The following ERCC1 variants were observed in gnomAD, a reference collection of about 807,000 sequenced individuals.
ERCC1 encodes DNA excision repair protein ERCC-1.
A neutral mutation model predicts 37.6 loss-of-function variants in ERCC1; 36 were observed. That is an observed-to-expected ratio of 0.96 (90% CI 0.73 to 1.26). The LOEUF (loss-of-function observed/expected upper bound fraction) is 1.26, where lower values mean the gene tolerates loss of function less well. ERCC1 is among the 50% of genes most tolerant of loss of function. ERCC1 has a pLI of 0.00. For missense variants in ERCC1, 349 were observed against 376.5 expected (o/e 0.93, Z 0.60); for synonymous variants, 156 against 162.1 (o/e 0.96, Z 0.28).
chr19:45,432,283 T>TTTTTTATTA (rs113298304), intron 1 of ERCC1, among the ~76,000 whole-genome samples: 9 of 145,944 alleles, frequency 6.2e-5, no homozygotes, highest in African/African-American at 1.8e-4. Flanking sequence ...ACAAAATTAA[T>TTTTTTATTA]TTATTATTAT....
chr19:45,414,647 G>C, intron 7 of ERCC1: 1 of 523,800 alleles, frequency 1.9e-6, no homozygotes, highest in Non-Finnish European at 3.5e-6. Context: ...GCTTTCTCTC[G>C]GGGTACTGGG....
chr19:45,412,666 A>G (rs184632664), intron 9 of ERCC1, among the ~76,000 whole-genome samples: 42 of 150,662 alleles, frequency 2.8e-4, no homozygotes, highest in African/African-American at 9.7e-4. Context: ...TAGTTTGCAG[A>G]TATTTTCTCC....
intron 5 of ERCC1, 68 bp downstream of exon 5, chr19:45,419,030 G>T (rs931245177): frequency 9.7e-7 from 1 of 1,028,568 alleles, no homozygotes; most frequent in Non-Finnish European, 1.5e-6. Context: ...CCTCTTGGAA[G>T]GGATTCAACA....
chr19:45,411,765 G>A (rs936411285), intron 9 of ERCC1, among the ~76,000 whole-genome samples: 7 of 151,894 alleles, frequency 4.6e-5, no homozygotes, highest in Non-Finnish European at 8.8e-5. Flanking sequence ...TTGCACTCCA[G>A]CCTGGGCAAC....
At chr19:45,417,101 A>C (rs1286875358) in intron 5 of ERCC1, among the ~76,000 whole-genome samples, 1 of 152,096 alleles carries the variant, frequency 6.6e-6, no homozygotes, top group Non-Finnish European at 1.5e-5. Context: ...TGTCTCAAAA[A>C]AAAAAAGAAG....
In ERCC1 at chr19:45,413,645, C is replaced by T. The variant is rs116640350; in HGVS notation, c.843+32G>A. On this transcript the variant is annotated intron_variant, in intron 9 of 9. Transcript: ENST00000300853. ...TTTATTTGGGGCTCTCTCCTTCCCCCAACTCCTTGGGTTCTTTCCCAGAGC... is the reference window on the plus strand; with the variant it reads ...TTTATTTGGGGCTCTCTCCTTCCCCTAACTCCTTGGGTTCTTTCCCAGAGC... The T allele has an allele frequency of 1.4e-3, 2,254 of 1,614,236 alleles. 39 individuals are homozygous for T. The African/African-American group carries it at 0.025, about 18-fold the overall frequency.
chr19:45,423,095 C>G (rs1172641415), intron 2 of ERCC1, among the ~76,000 whole-genome samples, 175 bp downstream of exon 2: 1 of 152,152 alleles, frequency 6.6e-6, no homozygotes, highest in African/African-American at 2.4e-5. Flanking sequence ...TTAGAACCAC[C>G]CATCCATTTC....
intron 1 of ERCC1, among the ~76,000 whole-genome samples, chr19:45,446,451 C>T (rs1279553897): frequency 1.3e-5 from 2 of 152,178 alleles, no homozygotes; most frequent in Non-Finnish European, 2.9e-5. Context: ...CTCACCACAT[C>T]CCCATAAAAG....
At chr19:45,438,724 C>T (rs967204087) in intron 1 of ERCC1, among the ~76,000 whole-genome samples, 1 of 151,944 alleles carries the variant, frequency 6.6e-6, no homozygotes, top group Non-Finnish European at 1.5e-5. Flanking sequence ...TCAGCGTGAC[C>T]TCCGCCTCCC....
In ERCC1 at chr19:45,421,203, T is replaced by C. The variant is rs756180467; in HGVS notation, c.296A>G (p.Asn99Ser). 1 of 1,614,120 alleles carries C rather than the reference T, an allele frequency of 6.2e-7. No homozygotes were observed. Among genetic ancestry groups the C allele is most frequent in the South Asian group, 1.1e-5 (1 of 91,068 alleles). ...NQALKPGAKS[N>S]SIIVSPRQRG... Reference sequence around the variant, plus strand: ...CTGCCGAGGGCTCACAATGATGCTGTTGGATTTTGCCCCGGGTTTCAGGGC... The same window carrying C: ...CTGCCGAGGGCTCACAATGATGCTGCTGGATTTTGCCCCGGGTTTCAGGGC... Residue 99 changes from asparagine to serine, a missense_variant, in exon 3 of 10, where the codon AAC becomes AGC. Coordinates refer to ENST00000300853, the MANE Select transcript of ERCC1 (RefSeq NM_001983.4).
chr19:45,420,450 A>T lies in ERCC1; in HGVS notation c.322-23T>A. 6.8e-7 allele frequency: 1 copy of T among 1,472,294 alleles called. No individual in the cohort carries two copies. The highest frequency in any genetic ancestry group is 9.5e-7 in the Non-Finnish European group (1 of 1,055,342). The allele number at this position is 1,472,294 out of a possible 1,614,324, so 91.2% of individuals were successfully genotyped here. On this transcript the variant is annotated intron_variant, in intron 3 of 9. Coordinates refer to ENST00000300853, the MANE Select transcript of ERCC1 (RefSeq NM_001983.4). The surrounding 1 kb of genome is among the most constrained non-coding windows in gnomAD (Gnocchi z 4.8). Reference sequence around the variant, plus strand: ...CCTCTGGGGAGGGACGAAGGGCAGAAGCCATCAATAGGGATGACCCTTGAT... The same window carrying T: ...CCTCTGGGGAGGGACGAAGGGCAGATGCCATCAATAGGGATGACCCTTGAT...
chr19:45,424,124 C>A, upstream of ERCC1: 1 of 959,470 alleles, frequency 1.0e-6, no homozygotes, highest in East Asian at 6.3e-5. Flanking sequence ...GAGAACAGAT[C>A]GCAGGAGATC....
At chr19:45,435,253 C>T (rs572298394) in intron 1 of ERCC1, among the ~76,000 whole-genome samples, 2 of 152,148 alleles carry the variant, frequency 1.3e-5, no homozygotes, top group South Asian at 2.1e-4. Context: ...AGGACTATGC[C>T]GCACAGTAAC....
Position 45,414,699 on chromosome 19 carries a change from T to C in ERCC1, c.702+162A>G, listed in dbSNP as rs900099534. The C allele has an allele frequency of 1.6e-5, 10 of 607,200 alleles. No individual in the cohort carries two copies. In the African/African-American group the frequency reaches 1.8e-4, roughly 11 times the overall value. The allele number at this position is 607,200 out of a possible 1,614,324, so 37.6% of individuals were successfully genotyped here. ...TTGAGCTAGGGAGGGTAGCAGCAGATTTGTGCTCAGGAAAACCCCTCTAGC... is the reference window on the plus strand; with the variant it reads ...TTGAGCTAGGGAGGGTAGCAGCAGACTTGTGCTCAGGAAAACCCCTCTAGC... On this transcript the variant is annotated intron_variant, in intron 7 of 9. Coordinates refer to ENST00000300853, the MANE Select transcript of ERCC1 (RefSeq NM_001983.4).
chr19:45,440,576 C>T (rs1975095574), intron 1 of ERCC1, among the ~76,000 whole-genome samples: 1 of 152,124 alleles, frequency 6.6e-6, no homozygotes, highest in Non-Finnish European at 1.5e-5. Context: ...CGAGGCATGG[C>T]CAGCATCACG....
chr19:45,408,683 C>G lies in ERCC1; in HGVS notation c.*992G>C. On this transcript the variant is annotated 3_prime_UTR_variant, in exon 10 of 10. Coordinates refer to ENST00000300853, the MANE Select transcript of ERCC1 (RefSeq NM_001983.4). The stretch of plus-strand genomic sequence containing the variant: ...GGGGACAGAGCCCACAGTGGAGACA[C>G]TGGAGCCTCTGGGAGTGCTGTTCCC... 6.2e-7 allele frequency: 1 copy of G among 1,613,874 alleles called. No individual in the cohort carries two copies. The highest frequency in any genetic ancestry group is 8.5e-7 in the Non-Finnish European group (1 of 1,179,958).
intron 6 of ERCC1, 145 bp downstream of exon 6, chr19:45,416,676 A>C: frequency 1.5e-6 from 1 of 651,258 alleles, no homozygotes; most frequent in South Asian, 1.7e-5. Context: ...TGTTTTACAG[A>C]TGAGGAAACT....
At chr19:45,441,458 A>G (rs1403510931) in intron 1 of ERCC1, among the ~76,000 whole-genome samples, 1 of 152,220 alleles carries the variant, frequency 6.6e-6, no homozygotes, top group African/African-American at 2.4e-5. Context: ...TTTCAGAGTC[A>G]GTGCAGAGAT....
rs1043324790 is a variant in ERCC1 at position 45,414,257 on chromosome 19, C to CCT, written c.703-225_703-224dup. ...TTTCGAGGCCGAGGCGGGAGGATCA[C>CCT]CTGAGGCCAGGAGTTCAAGACCAGC... On this transcript the variant is annotated intron_variant, in intron 7 of 9. Transcript: ENST00000300853. 5 of 590,024 alleles carry CCT rather than the reference C, an allele frequency of 8.5e-6. No homozygotes were observed. In the African/African-American group the frequency reaches 9.3e-5, roughly 11 times the overall value. The allele number at this position is 590,024 out of a possible 1,614,324, so 36.5% of individuals were successfully genotyped here. A position where few individuals can be genotyped will look rare whatever the true frequency, so the allele number is the denominator to read the frequency against.
Sources: allele counts gnomAD v4.1 joint callset (sites outside exome capture counted in the v4.1 genomes callset), GRCh38; gene constraint gnomAD v4.1.1; non-coding constraint Gnocchi (gnomAD v3.1); transcripts MANE v1.5; gene names NCBI Gene and HGNC (gene_info 2026-07-23, HGNC 2026-07-21).